Variants in UBE2R2 observed in about 807,000 individuals in gnomAD.
The protein encoded by UBE2R2 is ubiquitin-conjugating enzyme E2 R2.
In UBE2R2, 1 loss-of-function variant was observed where a neutral mutation model predicts 27.8. The ratio of observed to expected loss-of-function variants is 0.04; its 90% CI spans 0.01 to 0.17. The LOEUF (loss-of-function observed/expected upper bound fraction) is 0.17, where lower values mean the gene tolerates loss of function less well. UBE2R2 is among the 10% of genes least tolerant of loss of function. The pLI, the probability that UBE2R2 is intolerant of heterozygous loss-of-function variation, is 1.00. For synonymous variants in UBE2R2, 106 were observed against 113.3 expected (o/e 0.94, Z 0.41); for missense variants, 100 against 291.0 (o/e 0.34, Z 4.78).
At chr9:33,888,208 T>G (rs895972738) in intron 2 of UBE2R2, among the ~76,000 whole-genome samples, 1 of 152,228 alleles carries the variant, frequency 6.6e-6, no homozygotes, top group Non-Finnish European at 1.5e-5. Context: ...AGTGTAGTAG[T>G]CTATAATGCT....
upstream of UBE2R2, among the ~76,000 whole-genome samples, chr9:33,817,012 G>T (rs1006894652): frequency 1.3e-5 from 2 of 151,950 alleles, no homozygotes; most frequent in African/African-American, 4.8e-5. Context: ...AACGGGAGGA[G>T]GAGGAGGTGG....
At chr9:33,861,991 T>C (rs1821249397) in intron 1 of UBE2R2, among the ~76,000 whole-genome samples, 1 of 151,836 alleles carries the variant, frequency 6.6e-6, no homozygotes, top group Non-Finnish European at 1.5e-5. Context: ...GTAGCTGGGA[T>C]TATAGGCGCC....
At chr9:33,863,673 G>A (rs72725387) in intron 1 of UBE2R2, among the ~76,000 whole-genome samples, 11,997 of 152,078 alleles carry the variant, frequency 0.079, 684 homozygotes, top group Non-Finnish European at 0.12. Context: ...AAAACTGATG[G>A]CTAATTTTAT....
intron 1 of UBE2R2, among the ~76,000 whole-genome samples, chr9:33,828,394 C>CTT (rs200771475): frequency 8.7e-4 from 118 of 135,394 alleles, no homozygotes; most frequent in South Asian, 4.1e-3. Context: ...TCTCTTAAAA[C>CTT]TTTTTTTTTT....
intron 1 of UBE2R2, among the ~76,000 whole-genome samples, chr9:33,862,223 T>G (rs1256021343): frequency 6.6e-6 from 1 of 152,124 alleles, no homozygotes; most frequent in African/African-American, 2.4e-5. Flanking sequence ...CAACCAAAAG[T>G]TAGTGATTTC....
intron 1 of UBE2R2, among the ~76,000 whole-genome samples, chr9:33,862,470 C>T (rs1189818910): frequency 6.6e-6 from 1 of 152,150 alleles, no homozygotes; most frequent in Non-Finnish European, 1.5e-5. Flanking sequence ...TGTCAATAAG[C>T]TTGATGTTTG....
intron 1 of UBE2R2, among the ~76,000 whole-genome samples, chr9:33,864,922 G>A (rs1033660389): frequency 1.3e-5 from 2 of 151,846 alleles, no homozygotes; most frequent in Non-Finnish European, 2.9e-5. Context: ...ATAGGGTTTC[G>A]CTGTGTTGGC....
At chr9:33,822,103 T>A (rs1825992551) in intron 1 of UBE2R2, among the ~76,000 whole-genome samples, 1 of 151,328 alleles carries the variant, frequency 6.6e-6, no homozygotes, top group Non-Finnish European at 1.5e-5. Context: ...TATATTTTTT[T>A]TTTTTGAGAC....
intron 4 of UBE2R2, among the ~76,000 whole-genome samples, chr9:33,916,570 G>T (rs1424893318): frequency 3.3e-5 from 5 of 152,148 alleles, no homozygotes; most frequent in Non-Finnish European, 1.5e-5. Context: ...CTAGCCCCAA[G>T]AAACTAGGAG....
At chr9:33,858,759 G>A (rs1300241134) in intron 1 of UBE2R2, among the ~76,000 whole-genome samples, 1 of 152,066 alleles carries the variant, frequency 6.6e-6, no homozygotes, top group East Asian at 1.9e-4. Flanking sequence ...TTCTACTCTA[G>A]GACTATGCCA....
At chr9:33,823,172 C>T (rs1165848020) in intron 1 of UBE2R2, among the ~76,000 whole-genome samples, 1 of 151,858 alleles carries the variant, frequency 6.6e-6, no homozygotes, top group Non-Finnish European at 1.5e-5. Context: ...TCCCAAAGTG[C>T]TGGGATTACA....
At chr9:33,872,146 C>G (rs1009870976) in intron 1 of UBE2R2, among the ~76,000 whole-genome samples, 1 of 151,134 alleles carries the variant, frequency 6.6e-6, no homozygotes, top group African/African-American at 2.4e-5. Flanking sequence ...AAGCATGAGG[C>G]ACCATGGGAG....
Position 33,918,523 on chromosome 9 carries a change from A to C in UBE2R2, c.*1286A>C, listed in dbSNP as rs1325263859. 3.3e-5 allele frequency: 5 copies of C among 152,030 alleles called. No individual in the cohort carries two copies. The highest frequency in any genetic ancestry group is 1.2e-4 in the African/African-American group (5 of 41,374). 9.4% of individuals were successfully genotyped at this position (152,030 alleles called of 1,614,324 possible). ...ATAAGGCTAGATCTTCCTGCAATGCACTTGCTGCAGCTTTGATTTTCCAGA... is the reference window on the plus strand; with the variant it reads ...ATAAGGCTAGATCTTCCTGCAATGCCCTTGCTGCAGCTTTGATTTTCCAGA... On this transcript the variant is annotated 3_prime_UTR_variant, in exon 5 of 5. Coordinates refer to ENST00000263228, the MANE Select transcript of UBE2R2 (RefSeq NM_017811.4).
chr9:33,846,238 C>T (rs532528530), intron 1 of UBE2R2, among the ~76,000 whole-genome samples: 1 of 152,146 alleles, frequency 6.6e-6, no homozygotes, highest in Non-Finnish European at 1.5e-5. Context: ...AGAGGTTGCT[C>T]TGAGCCAAGA....
chr9:33,826,012 A>G (rs1409717872), intron 1 of UBE2R2, among the ~76,000 whole-genome samples: 1 of 152,044 alleles, frequency 6.6e-6, no homozygotes, highest in Admixed American at 6.6e-5. Context: ...GTGTGGTGGC[A>G]TGCGCCTGTA....
chr9:33,834,246 G>T (rs1820562995), intron 1 of UBE2R2, among the ~76,000 whole-genome samples: 1 of 150,516 alleles, frequency 6.6e-6, no homozygotes, highest in African/African-American at 2.5e-5. Flanking sequence ...TGTTGCCCAG[G>T]CTGGAGTGTG....
At chr9:33,838,639 T>A (rs576395959) in intron 1 of UBE2R2, among the ~76,000 whole-genome samples, 16 of 152,280 alleles carry the variant, frequency 1.1e-4, no homozygotes, top group African/African-American at 3.4e-4. Context: ...CTTAATTTAC[T>A]ACAGTTTAGT....
intron 1 of UBE2R2, among the ~76,000 whole-genome samples, chr9:33,878,968 T>G (rs1821673913): frequency 6.6e-6 from 1 of 152,092 alleles, no homozygotes; most frequent in African/African-American, 2.4e-5. Flanking sequence ...TCCTTTCCCC[T>G]AATTAGGACT....
chr9:33,883,819 AT>A (rs200116584), intron 1 of UBE2R2, among the ~76,000 whole-genome samples: 25 of 148,498 alleles, frequency 1.7e-4, no homozygotes, highest in African/African-American at 2.7e-4. Flanking sequence ...TCAGCACTTA[AT>A]TTTTTTTTTT....
Sources: gnomAD v4.1 joint callset for allele counts (sites outside exome capture counted in the v4.1 genomes callset) on GRCh38, gnomAD v4.1.1 for gene constraint, MANE v1.5 for transcripts, NCBI Gene and HGNC (gene_info 2026-07-23, HGNC 2026-07-21) for gene names.